The following RPS6KA4 variants were observed in gnomAD, a reference collection of about 807,000 sequenced individuals.
The protein encoded by RPS6KA4 is ribosomal protein S6 kinase A4, also known as ribosomal protein S6 kinase alpha-4.
In RPS6KA4, 38 loss-of-function variants were observed where a neutral mutation model predicts 89.6. The ratio of observed to expected loss-of-function variants is 0.42; its 90% CI spans 0.33 to 0.56. The LOEUF (loss-of-function observed/expected upper bound fraction) is 0.56, where lower values mean the gene tolerates loss of function less well. Among genes scored for constraint, RPS6KA4 ranks in the 20% least tolerant of loss-of-function variants. The pLI is 0.07. For missense variants in RPS6KA4, 873 were observed against 1,098.8 expected (o/e 0.79, Z 2.90); for synonymous variants, 495 against 492.8 (o/e 1.00, Z -0.06).
chr11:64,366,575 C>G (rs1370382662), intron 9 of RPS6KA4, among the ~76,000 whole-genome samples: 1 of 152,228 alleles, frequency 6.6e-6, no homozygotes. Flanking sequence ...ACCTTAGCCT[C>G]AGTTCTCATC....
At position 64,361,877 on chromosome 11, in the gene RPS6KA4, T is replaced by C; in HGVS notation, c.781T>C (p.Phe261Leu). Reference sequence around the variant, plus strand: ...ACGGATCCTGAAGTGCTCCCCTCCCTTCCCCCCTCGGATCGGGCCCGTGGC... The same window carrying C: ...ACGGATCCTGAAGTGCTCCCCTCCCCTCCCCCCTCGGATCGGGCCCGTGGC... Reference protein sequence around the residue: ...SRRILKCSPPFPPRIGPVAQD... With the variant: ...SRRILKCSPPLPPRIGPVAQD... The change falls in exon 8 of 17, where the codon TTC becomes CTC. Residue 261 changes from phenylalanine (F) to leucine (L), a missense_variant. By Grantham distance (22) the Phe-to-Leu change is conservative. This residue lies in a region of RPS6KA4 where 542 missense variants were observed against 736.4 expected (regional missense o/e 0.74). Transcript: ENST00000334205. The surrounding 1 kb of genome is among the most constrained non-coding windows in gnomAD (Gnocchi z 4.7). 1 of 1,612,730 alleles carries C rather than the reference T, an allele frequency of 6.2e-7. No individual in the cohort carries two copies. Among genetic ancestry groups the C allele is most frequent in the South Asian group, 1.1e-5 (1 of 91,074 alleles).
At chr11:64,360,766 T>C in intron 4 of RPS6KA4, 174 bp downstream of exon 4, 1 of 621,692 alleles carries the variant, frequency 1.6e-6, no homozygotes, top group South Asian at 2.0e-5. Flanking sequence ...GCCTCAACGT[T>C]GCCTGGTGGG....
Position 64,370,216 on chromosome 11 carries a change from C to T in RPS6KA4, c.1798-9C>T, listed in dbSNP as rs761474546. ...CTGGGCCGGCCTCACCTTCCCCTCA[C>T]CCTCCTAGTACATGATGCTGTCGGG... is the stretch of plus-strand genomic sequence containing the variant. On this transcript the variant is annotated splice_polypyrimidine_tract_variant and intron_variant, in intron 14 of 16. Coordinates refer to ENST00000334205, the MANE Select transcript of RPS6KA4 (RefSeq NM_003942.3). The surrounding 1 kb of genome is among the most constrained non-coding windows in gnomAD (Gnocchi z 4.1). 9 of 1,527,632 alleles carry T rather than the reference C, an allele frequency of 5.9e-6. No homozygotes were observed. The Admixed American group carries it at 1.9e-4, about 31-fold the overall frequency. The allele number at this position is 1,527,632 out of a possible 1,614,324, so 94.6% of individuals were successfully genotyped here.
rs1162477480 is a variant in RPS6KA4 at position 64,370,971 on chromosome 11, G to T, written c.2121+245G>T. ...AGAGAAAAATTAGCCGGGTGTGGTG[G>T]CGCGCGCCTGTAATCCCAGCTACTC... On this transcript the variant is annotated intron_variant, in intron 16 of 16. Coordinates refer to ENST00000334205, the MANE Select transcript of RPS6KA4 (RefSeq NM_003942.3). The surrounding 1 kb of genome is among the most constrained non-coding windows in gnomAD (Gnocchi z 4.1). Among the ~76,000 whole-genome samples, 2 of 152,068 alleles carry T rather than the reference G, an allele frequency of 1.3e-5. No individual in the cohort carries two copies. The highest frequency in any genetic ancestry group is 2.9e-5 in the Non-Finnish European group (2 of 67,988).
chr11:64,370,817 G>T lies in RPS6KA4; in HGVS notation c.2121+91G>T, dbSNP rs1331306561. 4 of 1,415,208 alleles carry T rather than the reference G, an allele frequency of 2.8e-6. No individual in the cohort carries two copies. The highest frequency in any genetic ancestry group is 3.7e-6 in the Non-Finnish European group (4 of 1,078,866). The allele number at this position is 1,415,208 out of a possible 1,614,324, so 87.7% of individuals were successfully genotyped here. On this transcript the variant is annotated intron_variant, in intron 16 of 16. Transcript: ENST00000334205. This position sits in a 1 kb window ranked among gnomAD's most constrained non-coding sequence, Gnocchi z 4.1. ...CCCGGCCATCGGAGCACAGAAAGGC[G>T]AGGTGAGGCCGGGCGCGGTGGCTCA...
chr11:64,371,331 A>G lies in RPS6KA4; in HGVS notation c.2170A>G (p.Asn724Asp). Reference protein sequence around the residue: ...REGFFLKSVENAPLAKRRKQK... With the variant: ...REGFFLKSVEDAPLAKRRKQK... ...GGGCTTCTTCCTGAAGAGCGTGGAG[A>G]ATGCACCCCTGGCCAAGCGGCGGAA... Residue 724 changes from asparagine to aspartate, a missense_variant, in exon 17 of 17, where the codon AAT (asparagine) becomes GAT (aspartate). By Grantham distance (23) the Asn-to-Asp change is conservative. Coordinates refer to ENST00000334205, the MANE Select transcript of RPS6KA4 (RefSeq NM_003942.3). The G allele has an allele frequency of 6.2e-7, 1 of 1,612,814 alleles. No homozygotes were observed. Among genetic ancestry groups the G allele is most frequent in the South Asian group, 1.1e-5 (1 of 91,074 alleles).
chr11:64,368,177 G>C lies in RPS6KA4; in HGVS notation c.1117G>C (p.Ala373Pro), dbSNP rs753939915. Residue 373 changes from alanine to proline, a missense_variant, in exon 10 of 17, where the codon GCG becomes CCG. By Grantham distance (27) the Ala-to-Pro change is conservative. This residue lies in a region of RPS6KA4 where 542 missense variants were observed against 736.4 expected (regional missense o/e 0.74). Coordinates refer to ENST00000334205, the MANE Select transcript of RPS6KA4 (RefSeq NM_003942.3). Reference sequence around the variant, plus strand: ...CTCCATTCTCTTTGACCACAACAACGCGGTGATGACCGATGGGCTGGAAGC... The same window carrying C: ...CTCCATTCTCTTTGACCACAACAACCCGGTGATGACCGATGGGCTGGAAGC... ...APSILFDHNN[A>P]VMTDGLEAPG... 1 of 1,613,714 alleles carries C rather than the reference G, an allele frequency of 6.2e-7. No individual in the cohort carries two copies. Among genetic ancestry groups the C allele is most frequent in the South Asian group, 1.1e-5 (1 of 91,086 alleles).
chr11:64,371,388 C>A lies in RPS6KA4; in HGVS notation c.2227C>A (p.Arg743=), dbSNP rs375269254. 2.5e-6 allele frequency: 4 copies of A among 1,611,782 alleles called. 1 individual carries two copies. The African/African-American group carries it at 5.3e-5, about 22-fold the overall frequency. ...GCTGCGGAGCGCCACCGCCTCCCGCCGGGGCTCCCCTGCACCAGCCAACCC... is the reference window on the plus strand; with the variant it reads ...GCTGCGGAGCGCCACCGCCTCCCGCAGGGGCTCCCCTGCACCAGCCAACCC... ...QKLRSATASR[R]GSPAPANPGR... Residue 743 remains arginine, a synonymous_variant, in exon 17 of 17, where the codon CGG becomes AGG. Transcript: ENST00000334205.
chr11:64,359,258 AGAGCTGCGCCGTG>A lies in RPS6KA4; in HGVS notation c.32_44del (p.Ala11GlyfsTer7). On this transcript the variant is annotated frameshift_variant, in exon 1 of 17. Coordinates refer to ENST00000334205, the MANE Select transcript of RPS6KA4 (RefSeq NM_003942.3). LOFTEE classifies it high-confidence loss of function. Reference sequence around the variant, plus strand: ...GCCATGGGGGACGAGGACGACGATGAGAGCTGCGCCGTGGAGCTGCGGATCACAGAAGGTGGGT... The same window carrying A: ...GCCATGGGGGACGAGGACGACGATGAGAGCTGCGGATCACAGAAGGTGGGT... 1 of 1,462,106 alleles carries A rather than the reference AGAGCTGCGCCGTG, an allele frequency of 6.8e-7. No individual in the cohort carries two copies. Among genetic ancestry groups the A allele is most frequent in the Non-Finnish European group, 9.1e-7 (1 of 1,098,314 alleles). 90.6% of individuals were successfully genotyped at this position (1,462,106 alleles called of 1,614,324 possible).
chr11:64,359,521 G>A, intron 2 of RPS6KA4, 72 bp downstream of exon 2: 1 of 1,532,082 alleles, frequency 6.5e-7, no homozygotes, highest in African/African-American at 1.4e-5. Flanking sequence ...TCACTCTTGG[G>A]CCTGGGCCAG....
intron 8 of RPS6KA4, among the ~76,000 whole-genome samples, chr11:64,364,906 AT>A (rs35498968): frequency 0.3 from 39,521 of 132,348 alleles, 5,277 homozygotes; most frequent in South Asian, 0.33. Flanking sequence ...CGCCCAGCTA[AT>A]TTTTTTTTTT....
Position 64,360,272 on chromosome 11 carries a change from A to G in RPS6KA4, c.237A>G (p.Gln79=), listed in dbSNP as rs521950. The change falls in exon 3 of 17, where the codon CAA becomes CAG. Residue 79 remains glutamine, a synonymous_variant. Transcript: ENST00000334205. ...CGCTGGTGCAGCGCGCCAAGACGCA[A>G]GAGCACACGCGCACCGAGCGCTCGG... is the stretch of plus-strand genomic sequence containing the variant. The part of the protein sequence containing the change: ...KAALVQRAKT[Q]EHTRTERSVL... 0.42 allele frequency: 646,936 copies of G among 1,547,596 alleles called. 141,155 individuals carry two copies. The highest frequency in any genetic ancestry group is 0.45 in the Non-Finnish European group (513,159 of 1,146,424).
Position 64,371,735 on chromosome 11 carries a change from C to T in RPS6KA4, c.*255C>T. The stretch of plus-strand genomic sequence containing the variant: ...GGGGCCCTCTCCCAGGACACTGCCT[C>T]TTCTGGGCAGAAGGCCCCTCCAGGG... On this transcript the variant is annotated 3_prime_UTR_variant, in exon 17 of 17. Coordinates refer to ENST00000334205, the MANE Select transcript of RPS6KA4 (RefSeq NM_003942.3). 2.5e-6 allele frequency: 1 copy of T among 404,124 alleles called. No individual in the cohort carries two copies. Among genetic ancestry groups the T allele is most frequent in the Non-Finnish European group, 4.4e-6 (1 of 226,096 alleles). 25.0% of individuals were successfully genotyped at this position (404,124 alleles called of 1,614,324 possible).
intron 8 of RPS6KA4, among the ~76,000 whole-genome samples, chr11:64,364,984 C>T (rs998739468): frequency 2.6e-5 from 4 of 151,258 alleles, no homozygotes; most frequent in African/African-American, 9.7e-5. Flanking sequence ...AACTCCTGAC[C>T]TCAGGTGATC....
Position 64,368,124 on chromosome 11 carries a change from C to A in RPS6KA4, c.1072-8C>A, listed in dbSNP as rs761527649. 6.8e-6 allele frequency: 11 copies of A among 1,613,146 alleles called. No homozygotes were observed. The East Asian group carries it at 2.4e-4, about 36-fold the overall frequency. ...CCCATGCCCATTCCCCGGACTCCCG[C>A]CCTGCAGGGATACTCCTTTGTGGCA... is the stretch of plus-strand genomic sequence containing the variant. On this transcript the variant is annotated splice_polypyrimidine_tract_variant and splice_region_variant and intron_variant, in intron 9 of 16. Coordinates refer to ENST00000334205, the MANE Select transcript of RPS6KA4 (RefSeq NM_003942.3).
At chr11:64,359,539 A>G in intron 2 of RPS6KA4, 90 bp downstream of exon 2, 6 of 1,378,908 alleles carry the variant, frequency 4.4e-6, no homozygotes, top group Non-Finnish European at 6.0e-6. Flanking sequence ...CAGGCCACTG[A>G]GCAGGCCCCC....
At position 64,368,307 on chromosome 11, in the gene RPS6KA4, G is replaced by A. The variant is rs765362440; in HGVS notation, c.1200+47G>A. 5 of 1,599,322 alleles carry A rather than the reference G, an allele frequency of 3.1e-6. No homozygotes were observed. The Admixed American group carries it at 8.7e-5, about 28-fold the overall frequency. ...TGGGGGGAAATTGGTTTTAGGAGAG[G>A]CCTAGGCCCGGGGACTCTAGGCCTA... On this transcript the variant is annotated intron_variant, in intron 10 of 16. Coordinates refer to ENST00000334205, the MANE Select transcript of RPS6KA4 (RefSeq NM_003942.3).
At chr11:64,360,677 C>G (rs1019444525) in intron 4 of RPS6KA4, 85 bp downstream of exon 4, 9 of 1,245,980 alleles carry the variant, frequency 7.2e-6, no homozygotes, top group Non-Finnish European at 1.0e-5. Flanking sequence ...CAGCCTCAGG[C>G]TTCCCCCTGG....
intron 8 of RPS6KA4, among the ~76,000 whole-genome samples, chr11:64,362,732 A>G (rs1313523147): frequency 6.6e-6 from 1 of 152,214 alleles, no homozygotes; most frequent in Non-Finnish European, 1.5e-5. Flanking sequence ...GTGCAGTGGC[A>G]CGATCTCGGC....
Sources: allele counts gnomAD v4.1 joint callset (sites outside exome capture counted in the v4.1 genomes callset), GRCh38; gene constraint gnomAD v4.1.1; regional missense constraint gnomAD v4.1.1; non-coding constraint Gnocchi (gnomAD v3.1); transcripts MANE v1.5; gene names NCBI Gene and HGNC (gene_info 2026-07-23, HGNC 2026-07-21).